The following NAA11 variants were observed in gnomAD, a reference collection of about 807,000 sequenced individuals.
NAA11 encodes N-alpha-acetyltransferase 11, NatA catalytic subunit.
NAA11 carries 15 observed loss-of-function variants against 16.1 expected under a neutral mutation model. That is an observed-to-expected ratio of 0.93 (90% CI 0.62 to 1.44). The LOEUF (loss-of-function observed/expected upper bound fraction) is 1.44, where lower values mean the gene tolerates loss of function less well. Among genes scored for constraint, NAA11 ranks in the 40% most tolerant of loss-of-function variants. The pLI is 0.00. For synonymous variants in NAA11, 122 were observed against 112.4 expected, an observed-to-expected ratio of 1.09 and a Z score of -0.54; for missense variants, 298 against 291.3, an observed-to-expected ratio of 1.02 and a Z score of -0.17.
intron 2 of NAA11, among the ~76,000 whole-genome samples, chr4:79,266,627 A>C (rs1473558929): frequency 6.6e-6 from 1 of 152,160 alleles, no homozygotes; most frequent in Non-Finnish European, 1.5e-5. Flanking sequence ...ACTCTCCAAC[A>C]CAGAAGAATC....
intron 2 of NAA11, among the ~76,000 whole-genome samples, chr4:79,252,862 T>C (rs901738230): frequency 3.3e-5 from 5 of 152,266 alleles, no homozygotes; most frequent in African/African-American, 7.2e-5. Flanking sequence ...CAAGGAACCA[T>C]TAAAATGTTT....
intron 1 of NAA11, among the ~76,000 whole-genome samples, chr4:79,306,263 A>G (rs1319246102): frequency 6.6e-6 from 1 of 152,174 alleles, no homozygotes; most frequent in Non-Finnish European, 1.5e-5. Flanking sequence ...AATACCACAG[A>G]CTGTGTGGCT....
chr4:79,271,645 A>G (rs1240556561), intron 2 of NAA11, among the ~76,000 whole-genome samples: 1 of 152,082 alleles, frequency 6.6e-6, no homozygotes, highest in Non-Finnish European at 1.5e-5. Context: ...AGAAGAAACT[A>G]ACTCGCTGTT....
At chr4:79,196,976 A>T in the NAA11 span, among the ~76,000 whole-genome samples, 1 of 149,184 alleles carries the variant, frequency 6.7e-6, no homozygotes, top group Admixed American at 6.7e-5. Flanking sequence ...AAAAAAAAAA[A>T]AAAAAAGAAA....
At chr4:79,269,970 C>T (rs1033111800) in intron 2 of NAA11, among the ~76,000 whole-genome samples, 6 of 151,982 alleles carry the variant, frequency 3.9e-5, no homozygotes, top group African/African-American at 1.5e-4. Context: ...AATCCTTTCC[C>T]CATTTCTTGT....
intron 2 of NAA11, among the ~76,000 whole-genome samples, chr4:79,232,294 G>T (rs891631101): frequency 3.3e-5 from 5 of 151,758 alleles, no homozygotes; most frequent in African/African-American, 1.2e-4. Context: ...TCAAAATAAT[G>T]ATTATACATT....
the NAA11 span, among the ~76,000 whole-genome samples, chr4:79,191,870 A>AG: frequency 6.6e-6 from 1 of 152,084 alleles, no homozygotes; most frequent in Non-Finnish European, 1.5e-5. Context: ...ACGGTGTAAG[A>AG]GGGGGGTCCA....
chr4:79,246,939 T>G (rs932401705), intron 2 of NAA11, among the ~76,000 whole-genome samples: 3 of 152,134 alleles, frequency 2.0e-5, no homozygotes, highest in Admixed American at 6.5e-5. Flanking sequence ...GGCCCCAGTT[T>G]TGGTTTCTTG....
chr4:79,320,654 T>C (rs1002648458), intron 1 of NAA11, among the ~76,000 whole-genome samples: 7 of 152,242 alleles, frequency 4.6e-5, no homozygotes, highest in East Asian at 1.9e-4. Context: ...TGCGTTTTCA[T>C]AGTGTGAAGA....
the NAA11 span, among the ~76,000 whole-genome samples, chr4:79,178,262 C>G: frequency 3.3e-5 from 5 of 152,210 alleles, no homozygotes; most frequent in East Asian, 9.6e-4. Flanking sequence ...ATAGGTGATA[C>G]GAGTTCAATG....
At chr4:79,303,794 A>G (rs536631952) in intron 1 of NAA11, among the ~76,000 whole-genome samples, 1 of 152,358 alleles carries the variant, frequency 6.6e-6, no homozygotes, top group South Asian at 2.1e-4. Context: ...GTCGGAACCA[A>G]AAGAAGTAAG....
At chr4:79,196,432 A>C in the NAA11 span, among the ~76,000 whole-genome samples, 9,538 of 152,110 alleles carry the variant, frequency 0.063, 891 homozygotes, top group African/African-American at 0.2. Context: ...TAGATGTACT[A>C]TATTCACAGA....
chr4:79,181,520 C>T, the NAA11 span, among the ~76,000 whole-genome samples: 3 of 152,102 alleles, frequency 2.0e-5, no homozygotes, highest in African/African-American at 7.2e-5. Context: ...CACGCGGTGG[C>T]CATGATTGAC....
the NAA11 span, among the ~76,000 whole-genome samples, chr4:79,187,136 A>G: frequency 2.0e-5 from 3 of 152,120 alleles, no homozygotes; most frequent in Non-Finnish European, 2.9e-5. Context: ...ATAGGTTTGC[A>G]TTTTCTCAAA....
chr4:79,315,049 T>C (rs1447696521), downstream of NAA11, among the ~76,000 whole-genome samples: 1 of 152,106 alleles, frequency 6.6e-6, no homozygotes, highest in African/African-American at 2.4e-5. Context: ...ACCTAATGGA[T>C]AGTCACAGGT....
At chr4:79,196,979 A>AAAAAAAAAAAAAAAAAAAAAAAAG in the NAA11 span, among the ~76,000 whole-genome samples, 28 of 125,526 alleles carry the variant, frequency 2.2e-4, no homozygotes, top group African/African-American at 3.6e-4. Context: ...AAAAAAAAAA[A>AAAAAAAAAAAAAAAAAAAAAAAAG]AAAGAAAGAA....
At chr4:79,273,620 G>A (rs1194420584) in intron 2 of NAA11, among the ~76,000 whole-genome samples, 2 of 152,024 alleles carry the variant, frequency 1.3e-5, no homozygotes. Context: ...ATAAAACTAT[G>A]TGATAAAGTT....
chr4:79,299,466 T>C (rs1053477769), intron 1 of NAA11: 6 of 152,236 alleles, frequency 3.9e-5, no homozygotes, highest in Admixed American at 2.0e-4. Flanking sequence ...CTAAAAAGGC[T>C]TATAAGAATA....
At chr4:79,165,154 T>G in the NAA11 span, among the ~76,000 whole-genome samples, 1 of 152,210 alleles carries the variant, frequency 6.6e-6, no homozygotes, top group Non-Finnish European at 1.5e-5. Context: ...TCTATTTATC[T>G]CTCCTTGGGA....
Sources: gnomAD v4.1 joint callset for allele counts (sites outside exome capture counted in the v4.1 genomes callset) on GRCh38, gnomAD v4.1.1 for gene constraint, MANE v1.5 for transcripts, NCBI Gene and HGNC (gene_info 2026-07-23, HGNC 2026-07-21) for gene names.